The following PCDHA13 variants were observed in gnomAD, a reference collection of about 807,000 sequenced individuals.
PCDHA13 encodes protocadherin alpha 13, also known as protocadherin alpha-13.
A neutral mutation model predicts 64.8 loss-of-function variants in PCDHA13; 54 were observed. The observed-to-expected ratio is 0.83, with a 90% CI of 0.67 to 1.04. The LOEUF is 1.04. PCDHA13 is among the 50% of genes least tolerant of loss of function. The pLI, the probability that PCDHA13 is intolerant of heterozygous loss-of-function variation, is 0.00. For synonymous variants in PCDHA13, 587 were observed against 564.4 expected (o/e 1.04, Z -0.57); for missense variants, 1,248 against 1,254.3 (o/e 0.99, Z 0.08).
chr5:140,967,837 C>T (rs2096189054), intron 1 of PCDHA13: 4 of 1,613,994 alleles, frequency 2.5e-6, no homozygotes, highest in African/African-American at 2.7e-5. Context: ...ACATCGTGGA[C>T]GTGAATGACA....
intron 1 of PCDHA13, among the ~76,000 whole-genome samples, chr5:140,924,668 G>T (rs2081943079): frequency 6.6e-6 from 1 of 152,142 alleles, no homozygotes; most frequent in Non-Finnish European, 1.5e-5. Context: ...GCCGAGGCAG[G>T]CCAATCACTT....
chr5:140,942,808 C>T (rs1175421349), intron 1 of PCDHA13, among the ~76,000 whole-genome samples: 1 of 151,920 alleles, frequency 6.6e-6, no homozygotes, highest in East Asian at 1.9e-4. Context: ...TTTCCACAAA[C>T]TAGTTGGATT....
intron 1 of PCDHA13, among the ~76,000 whole-genome samples, chr5:140,965,098 A>G (rs1554227430): frequency 6.6e-6 from 1 of 152,244 alleles, no homozygotes; most frequent in African/African-American, 2.4e-5. Flanking sequence ...GTCCATAGCT[A>G]GAAAATGACC....
intron 1 of PCDHA13, among the ~76,000 whole-genome samples, chr5:140,941,214 C>CCTTTCTTTCTTCCTTTCTTTCTTT (rs2092876516): frequency 2.3e-4 from 28 of 122,490 alleles, no homozygotes; most frequent in Middle Eastern, 4.2e-3. Context: ...TTTCTTTCTT[C>CCTTTCTTTCTTCCTTTCTTTCTTT]CTTTCTTTCT....
chr5:140,965,031 T>C (rs1211247687), intron 1 of PCDHA13, among the ~76,000 whole-genome samples: 3 of 152,208 alleles, frequency 2.0e-5, no homozygotes, highest in African/African-American at 7.2e-5. Flanking sequence ...CTCCTTTAAC[T>C]GTCCGCTCTA....
intron 1 of PCDHA13, among the ~76,000 whole-genome samples, chr5:140,894,207 A>G (rs962841413): frequency 3.9e-5 from 6 of 152,012 alleles, no homozygotes; most frequent in African/African-American, 1.4e-4. Flanking sequence ...ATGCTATTAT[A>G]TTCTCATTTT....
intron 1 of PCDHA13, among the ~76,000 whole-genome samples, chr5:140,954,400 A>G (rs1349668578): frequency 6.6e-6 from 1 of 152,214 alleles, no homozygotes; most frequent in East Asian, 1.9e-4. Context: ...CAACCCCACC[A>G]ACAGGGTAAA....
intron 1 of PCDHA13, among the ~76,000 whole-genome samples, chr5:140,944,925 A>T (rs1457519692): frequency 6.6e-6 from 1 of 152,158 alleles, no homozygotes; most frequent in African/African-American, 2.4e-5. Flanking sequence ...ATATTGGTTT[A>T]TGCCTTCTTT....
At chr5:140,967,789 T>A (rs782032459) in intron 1 of PCDHA13, 2 of 1,614,076 alleles carry the variant, frequency 1.2e-6, no homozygotes, top group Non-Finnish European at 1.7e-6. Context: ...CTGACCGGGG[T>A]CCAGTGCCCA....
In PCDHA13 at chr5:141,009,668, G is replaced by A. The variant is rs782068657; in HGVS notation, c.2584G>A (p.Val862Ile). The change falls in exon 4 of 4, where the codon GTC becomes ATC. Residue 862 changes from valine (V) to isoleucine (I), a missense_variant. Transcript: ENST00000289272. ...AGTGTCCCCTCCAGTCGGTGCGGGTGTCAACAGCAACAGCTGGACCTTTAA... is the reference window on the plus strand; with the variant it reads ...AGTGTCCCCTCCAGTCGGTGCGGGTATCAACAGCAACAGCTGGACCTTTAA... ...GEVSPPVGAG[V>I]NSNSWTFKYG... The A allele has an allele frequency of 1.2e-6, 2 of 1,614,108 alleles. No individual in the cohort carries two copies. Among genetic ancestry groups the A allele is most frequent in the Non-Finnish European group, 1.7e-6 (2 of 1,180,018 alleles).
At chr5:140,988,226 G>C (rs1375369387) in intron 3 of PCDHA13, among the ~76,000 whole-genome samples, 2 of 152,154 alleles carry the variant, frequency 1.3e-5, no homozygotes, top group Non-Finnish European at 2.9e-5. Context: ...TGAGATCAGG[G>C]ATCTATGTGA....
intron 1 of PCDHA13, among the ~76,000 whole-genome samples, chr5:140,976,553 A>G (rs1554237789): frequency 1.3e-5 from 2 of 152,074 alleles, no homozygotes; most frequent in Non-Finnish European, 2.9e-5. Context: ...CCTATCTCAT[A>G]AATAAATAAA....
intron 1 of PCDHA13, chr5:140,967,575 C>T: frequency 6.2e-7 from 1 of 1,614,156 alleles, no homozygotes. Context: ...CGGGAGGACT[C>T]ACCCCCAGGC....
intron 1 of PCDHA13, chr5:140,968,074 C>T (rs781940696): frequency 1.2e-6 from 2 of 1,614,020 alleles, no homozygotes; most frequent in African/African-American, 1.3e-5. Context: ...CTGTCTACAA[C>T]ATCACGGTGA....
chr5:140,957,879 G>T (rs2095393633), intron 1 of PCDHA13, among the ~76,000 whole-genome samples: 1 of 151,960 alleles, frequency 6.6e-6, no homozygotes, highest in Non-Finnish European at 1.5e-5. Flanking sequence ...GTGCTGAAAA[G>T]CTGAAGTTGG....
chr5:140,959,107 C>A (rs1330357931), intron 1 of PCDHA13, among the ~76,000 whole-genome samples: 1 of 151,920 alleles, frequency 6.6e-6, no homozygotes, highest in South Asian at 2.1e-4. Context: ...CAGCAGGGGT[C>A]CGAAGGTGGG....
At chr5:140,960,112 T>C (rs145534809) in intron 1 of PCDHA13, among the ~76,000 whole-genome samples, 45 of 152,352 alleles carry the variant, frequency 3.0e-4, no homozygotes, top group Non-Finnish European at 4.3e-4. Flanking sequence ...GTGGGAACAA[T>C]AGTATTCCTT....
chr5:140,978,680 T>C (rs2096816388), intron 1 of PCDHA13, among the ~76,000 whole-genome samples: 1 of 152,240 alleles, frequency 6.6e-6, no homozygotes, highest in Non-Finnish European at 1.5e-5. Context: ...CAGACATGTA[T>C]TGGGCAAGGC....
At chr5:140,887,984 A>G (rs2061657027) in intron 1 of PCDHA13, among the ~76,000 whole-genome samples, 1 of 152,178 alleles carries the variant, frequency 6.6e-6, no homozygotes, top group Admixed American at 6.5e-5. Context: ...TTTATTTTAC[A>G]TGTCTCCACC....
Sources: allele counts gnomAD v4.1 joint callset (sites outside exome capture counted in the v4.1 genomes callset), GRCh38; gene constraint gnomAD v4.1.1; transcripts MANE v1.5; gene names NCBI Gene and HGNC (gene_info 2026-07-23, HGNC 2026-07-21).